DEPTOR: variants seen among roughly 807,000 people sequenced by gnomAD.
DEPTOR encodes the protein DEP domain-containing mTOR-interacting protein.
In DEPTOR, 41 loss-of-function variants were observed where a neutral mutation model predicts 41.6. That is an observed-to-expected ratio of 0.98 (90% CI 0.77 to 1.28). DEPTOR has a LOEUF of 1.28. Among genes scored for constraint, DEPTOR ranks in the 50% most tolerant of loss-of-function variants. DEPTOR has a pLI of 0.00. For missense variants in DEPTOR, 514 were observed against 527.9 expected, an observed-to-expected ratio of 0.97 and a Z score of 0.26; for synonymous variants, 195 against 192.3, an observed-to-expected ratio of 1.01 and a Z score of -0.12.
At chr8:120,012,600 G>A (rs1228730177) in intron 8 of DEPTOR, among the ~76,000 whole-genome samples, 1 of 151,800 alleles carries the variant, frequency 6.6e-6, no homozygotes, top group Non-Finnish European at 1.5e-5. Context: ...GCAATGGTGC[G>A]ATCTCTGCTC....
chr8:119,907,661 C>T (rs971146302), intron 1 of DEPTOR, among the ~76,000 whole-genome samples: 2 of 152,034 alleles, frequency 1.3e-5, no homozygotes, highest in African/African-American at 2.4e-5. Context: ...GGCGTGGTGG[C>T]GCATGCCTGT....
chr8:119,952,462 A>G (rs1170505782), intron 3 of DEPTOR, among the ~76,000 whole-genome samples: 1 of 152,164 alleles, frequency 6.6e-6, no homozygotes, highest in Non-Finnish European at 1.5e-5. Context: ...TTACTGTACA[A>G]GGAGCCCCTA....
At chr8:120,038,713 G>A (rs569861607) in intron 8 of DEPTOR, among the ~76,000 whole-genome samples, 1 of 152,314 alleles carries the variant, frequency 6.6e-6, no homozygotes, top group African/African-American at 2.4e-5. Context: ...GCCTATTTGG[G>A]GGAAGCTGAT....
At chr8:119,912,688 G>A (rs954544937) in intron 1 of DEPTOR, among the ~76,000 whole-genome samples, 3 of 152,174 alleles carry the variant, frequency 2.0e-5, no homozygotes, top group African/African-American at 7.2e-5. Flanking sequence ...TGTACAGCAT[G>A]CTTAGCACAA....
At chr8:119,931,558 T>G (rs191856877) in intron 3 of DEPTOR, among the ~76,000 whole-genome samples, 1 of 152,326 alleles carries the variant, frequency 6.6e-6, no homozygotes, top group African/African-American at 2.4e-5. Flanking sequence ...CACCCTCGAC[T>G]GTGTCCTTCC....
intron 8 of DEPTOR, among the ~76,000 whole-genome samples, chr8:120,029,277 C>A (rs1331159099): frequency 6.6e-6 from 1 of 152,076 alleles, no homozygotes; most frequent in Non-Finnish European, 1.5e-5. Flanking sequence ...TCTCTTTGGG[C>A]AACGGACATT....
intron 1 of DEPTOR, among the ~76,000 whole-genome samples, chr8:119,918,254 C>T (rs1037879473): frequency 6.6e-6 from 1 of 152,180 alleles, no homozygotes; most frequent in African/African-American, 2.4e-5. Context: ...GGCAACCCAC[C>T]TCTTTACTTC....
At chr8:119,927,215 G>A (rs944139816) in intron 1 of DEPTOR, among the ~76,000 whole-genome samples, 6 of 152,244 alleles carry the variant, frequency 3.9e-5, no homozygotes, top group African/African-American at 1.4e-4. Context: ...CCGTTTACGT[G>A]GTCTCTGAAG....
At chr8:119,949,854 A>G (rs551732435) in intron 3 of DEPTOR, among the ~76,000 whole-genome samples, 3 of 151,924 alleles carry the variant, frequency 2.0e-5, no homozygotes, top group African/African-American at 7.2e-5. Flanking sequence ...TAATTTTTGT[A>G]TTTTTAGTAG....
At chr8:119,922,726 C>A (rs1158321850) in intron 1 of DEPTOR, among the ~76,000 whole-genome samples, 1 of 152,126 alleles carries the variant, frequency 6.6e-6, no homozygotes, top group Non-Finnish European at 1.5e-5. Context: ...TTCATTTTAC[C>A]AGTAAAAACT....
chr8:119,878,499 G>T (rs550792056), intron 1 of DEPTOR, among the ~76,000 whole-genome samples: 2,673 of 151,270 alleles, frequency 0.018, 81 homozygotes, highest in African/African-American at 0.06. Context: ...TTTTTTGTGT[G>T]TGTGCTTTTA....
At chr8:120,049,276 A>G (rs1483174715) in intron 8 of DEPTOR, among the ~76,000 whole-genome samples, 1 of 152,120 alleles carries the variant, frequency 6.6e-6, no homozygotes, top group Admixed American at 6.6e-5. Flanking sequence ...TGAGGGAAAT[A>G]AAGCTCAGAA....
chr8:119,989,496 T>C (rs147609638), intron 4 of DEPTOR, among the ~76,000 whole-genome samples: 83 of 152,262 alleles, frequency 5.5e-4, no homozygotes, highest in African/African-American at 1.9e-3. Flanking sequence ...AGTGAGTCCG[T>C]CAGCACTTCT....
intron 4 of DEPTOR, among the ~76,000 whole-genome samples, chr8:119,979,641 C>T (rs1828737936): frequency 6.6e-6 from 1 of 151,940 alleles, no homozygotes; most frequent in Non-Finnish European, 1.5e-5. Context: ...GAGCTCACCC[C>T]ACCCCCGCTT....
At chr8:120,001,797 C>T in intron 5 of DEPTOR, 87 bp downstream of exon 5, 3 of 1,449,964 alleles carry the variant, frequency 2.1e-6, no homozygotes, top group Non-Finnish European at 2.8e-6. Flanking sequence ...AAATTCTGTT[C>T]TCTATCAGAG....
chr8:119,968,382 C>T (rs972638883), intron 4 of DEPTOR, among the ~76,000 whole-genome samples: 2 of 151,734 alleles, frequency 1.3e-5, no homozygotes, highest in South Asian at 2.1e-4. Context: ...GGGCAGATCT[C>T]GGCTCACTGC....
At chr8:119,876,148 C>G (rs116721433) in intron 1 of DEPTOR, among the ~76,000 whole-genome samples, 2,829 of 152,290 alleles carry the variant, frequency 0.019, 85 homozygotes, top group African/African-American at 0.063. Context: ...AATGCCTCTT[C>G]CTTGCAGTCC....
intron 4 of DEPTOR, among the ~76,000 whole-genome samples, chr8:119,988,842 A>C (rs1485726605): frequency 6.6e-6 from 1 of 152,210 alleles, no homozygotes; most frequent in Non-Finnish European, 1.5e-5. Flanking sequence ...TAGATGAAGA[A>C]AACTAAAATT....
At chr8:120,004,576 A>G (rs188925734) in intron 6 of DEPTOR, among the ~76,000 whole-genome samples, 2 of 152,308 alleles carry the variant, frequency 1.3e-5, no homozygotes, top group Non-Finnish European at 2.9e-5. Context: ...AAAAGTGTTA[A>G]TTACTGAAAT....
Sources: gnomAD v4.1 joint callset for allele counts (sites outside exome capture counted in the v4.1 genomes callset) on GRCh38, gnomAD v4.1.1 for gene constraint, MANE v1.5 for transcripts, NCBI Gene and HGNC (gene_info 2026-07-23, HGNC 2026-07-21) for gene names.